Variants in SEC24A observed in about 807,000 individuals in gnomAD.
The protein encoded by SEC24A is protein transport protein Sec24A.
In SEC24A, 93 loss-of-function variants were observed where a neutral mutation model predicts 129.4. The ratio of observed to expected loss-of-function variants is 0.72; its 90% CI spans 0.61 to 0.85. The LOEUF (loss-of-function observed/expected upper bound fraction) is 0.85, where lower values mean the gene tolerates loss of function less well. Ranked by LOEUF, SEC24A falls within the 40% of genes least tolerant of loss-of-function variation. SEC24A has a pLI of 0.00. For missense variants in SEC24A, 1,264 were observed against 1,307.4 expected (o/e 0.97, Z 0.51); for synonymous variants, 460 against 467.3 (o/e 0.98, Z 0.20).
chr5:134,709,940 C>T (rs570426859), intron 18 of SEC24A, among the ~76,000 whole-genome samples: 1 of 152,266 alleles, frequency 6.6e-6, no homozygotes, highest in Non-Finnish European at 1.5e-5. Context: ...TGCTCTGTCA[C>T]CCAGGCTGGA....
Position 134,686,914 on chromosome 5 carries a change from A to C in SEC24A, c.1604+12A>C. The C allele has an allele frequency of 7.1e-7, 1 of 1,403,602 alleles. No homozygotes were observed. The highest frequency in any genetic ancestry group is 1.0e-6 in the Non-Finnish European group (1 of 1,003,590). 86.9% of individuals were successfully genotyped at this position (1,403,602 alleles called of 1,614,324 possible). A position where few individuals can be genotyped will look rare whatever the true frequency, so the allele number is the denominator to read the frequency against. On this transcript the variant is annotated intron_variant, in intron 10 of 22. Coordinates refer to ENST00000398844, the MANE Select transcript of SEC24A (RefSeq NM_021982.3). ...GACAATCTGGATTTGTAAGTTTCTC[A>C]ATTCAGCTTAAATATGAAACTAATA...
intron 11 of SEC24A, among the ~76,000 whole-genome samples, chr5:134,689,222 G>A (rs1448224809): frequency 6.6e-6 from 1 of 152,142 alleles, no homozygotes; most frequent in Non-Finnish European, 1.5e-5. Flanking sequence ...GTGCACTGCT[G>A]GTCAGAATGT....
chr5:134,660,114 C>T (rs1236061275), intron 1 of SEC24A, among the ~76,000 whole-genome samples: 6 of 150,574 alleles, frequency 4.0e-5, no homozygotes, highest in African/African-American at 1.2e-4. Context: ...GTAATCCTAG[C>T]GCTTATAGAG....
At chr5:134,698,146 C>A in intron 15 of SEC24A, 89 bp downstream of exon 15, 1 of 1,114,174 alleles carries the variant, frequency 9.0e-7, no homozygotes, top group Non-Finnish European at 1.3e-6. Flanking sequence ...TAAGATTGCC[C>A]TTCTGAGATA....
At position 134,664,792 on chromosome 5, in the gene SEC24A, C is replaced by CTTTTTTTT. The variant is rs70976552; in HGVS notation, c.566-2014_566-2007dup. ...TCAGTAATAGGCAATTTTTCTTTTT[C>CTTTTTTTT]TTTTTTTTTTTTTTTTTTTTTTTTG... On this transcript the variant is annotated intron_variant, in intron 2 of 22. Transcript: ENST00000398844. Among the ~76,000 whole-genome samples the CTTTTTTTT allele has an allele frequency of 5.3e-3, 455 of 86,160 alleles. 3 individuals carry two copies. Among genetic ancestry groups the CTTTTTTTT allele is most frequent in the African/African-American group, 7.9e-3 (193 of 24,448 alleles). The allele number at this position is 86,160 out of a possible 152,430, so 56.5% of individuals were successfully genotyped here. A position where few individuals can be genotyped will look rare whatever the true frequency, so the allele number is the denominator to read the frequency against.
intron 7 of SEC24A, 28 bp downstream of exon 7, chr5:134,676,153 T>G: frequency 6.4e-7 from 1 of 1,554,144 alleles, no homozygotes; most frequent in Middle Eastern, 1.7e-4. Flanking sequence ...TCTTTTTTTT[T>G]TTTTGAGACG....
At chr5:134,692,300 G>T (rs1366889259) in intron 11 of SEC24A, among the ~76,000 whole-genome samples, 3 of 152,090 alleles carry the variant, frequency 2.0e-5, no homozygotes, top group Non-Finnish European at 4.4e-5. Flanking sequence ...ACTTACCTCA[G>T]CCTCTCAAAG....
Position 134,666,701 on chromosome 5 carries a change from G to T in SEC24A, c.566-122G>T, listed in dbSNP as rs185456397. 4.1e-4 allele frequency: 301 copies of T among 727,318 alleles called. No homozygotes were observed. In the African/African-American group the frequency reaches 5.3e-3, roughly 13 times the overall value. The allele number at this position is 727,318 out of a possible 1,614,324, so 45.1% of individuals were successfully genotyped here. ...AATTTAGGAAGTTAACATGTTTCTGGTAACTCTTTGGTTATTATAATTTAA... is the reference window on the plus strand; with the variant it reads ...AATTTAGGAAGTTAACATGTTTCTGTTAACTCTTTGGTTATTATAATTTAA... On this transcript the variant is annotated intron_variant, in intron 2 of 22. Coordinates refer to ENST00000398844, the MANE Select transcript of SEC24A (RefSeq NM_021982.3).
At position 134,676,080 on chromosome 5, in the gene SEC24A, CA is replaced by C. The variant is rs777101766; in HGVS notation, c.1212del (p.Lys404AsnfsTer14). ...AGACGCAGGCCTTATTGAATAAAGC[CA>C]AACTTCCTTTGGGGCTGCTGCTTCA... ...PQTQALLNKAKLPLGLLLHPF... is the reference protein window; with the variant it reads ...PQTQALLNKAXLPLGLLLHPF... On this transcript the variant is annotated frameshift_variant, in exon 7 of 23. Coordinates refer to ENST00000398844, the MANE Select transcript of SEC24A (RefSeq NM_021982.3). LOFTEE classifies it high-confidence loss of function. The C allele has an allele frequency of 1.9e-6, 3 of 1,613,212 alleles. No individual in the cohort carries two copies. The highest frequency in any genetic ancestry group is 4.5e-5 in the East Asian group (2 of 44,854).
chr5:134,656,662 T>C (rs1750256536), intron 1 of SEC24A, among the ~76,000 whole-genome samples: 1 of 151,914 alleles, frequency 6.6e-6, no homozygotes, highest in South Asian at 2.1e-4. Context: ...TGTATTTTAG[T>C]AGAGACGGGG....
intron 8 of SEC24A, among the ~76,000 whole-genome samples, chr5:134,681,468 G>GTGTGTT (rs1038262833): frequency 1.2e-4 from 19 of 152,092 alleles, no homozygotes; most frequent in African/African-American, 4.6e-4. Context: ...GTGTGTGTGT[G>GTGTGTT]TGTGTGTGTG....
At chr5:134,723,787 A>G (rs1752686918) in intron 22 of SEC24A, 117 bp downstream of exon 22, 1 of 640,848 alleles carries the variant, frequency 1.6e-6, no homozygotes, top group Non-Finnish European at 2.8e-6. Flanking sequence ...AATAAATAGC[A>G]GTAAATCATA....
chr5:134,658,097 C>G (rs369466407), intron 1 of SEC24A, among the ~76,000 whole-genome samples: 1 of 152,036 alleles, frequency 6.6e-6, no homozygotes. Flanking sequence ...GGTGAAATCC[C>G]GTCTCTACTA....
chr5:134,693,265 A>T (rs2150097408), intron 12 of SEC24A: 1 of 1,434,226 alleles, frequency 7.0e-7, no homozygotes, highest in South Asian at 1.5e-5. Flanking sequence ...CTATTTGTAC[A>T]ACCTAACCTG....
chr5:134,694,219 T>G (rs1472544239), intron 13 of SEC24A, among the ~76,000 whole-genome samples: 1 of 152,100 alleles, frequency 6.6e-6, no homozygotes, highest in Non-Finnish European at 1.5e-5. Flanking sequence ...AGAACCTGAT[T>G]GACCAGTTAA....
At chr5:134,660,336 A>C (rs1750408880) in intron 1 of SEC24A, among the ~76,000 whole-genome samples, 2 of 152,132 alleles carry the variant, frequency 1.3e-5, no homozygotes, top group African/African-American at 4.8e-5. Flanking sequence ...ACTGTACTCC[A>C]GCTTGGATGA....
intron 8 of SEC24A, 22 bp downstream of exon 8, chr5:134,679,750 C>A (rs1751198803): frequency 1.1e-5 from 17 of 1,527,632 alleles, no homozygotes; most frequent in Non-Finnish European, 1.5e-5. Flanking sequence ...TTTTTTGAAA[C>A]ATTTAAACGT....
At chr5:134,666,112 C>G (rs537802017) in intron 2 of SEC24A, among the ~76,000 whole-genome samples, 1 of 151,674 alleles carries the variant, frequency 6.6e-6, no homozygotes, top group East Asian at 1.9e-4. Context: ...AAAATGAGAC[C>G]CCCGTCTCTA....
chr5:134,686,319 C>T (rs1751449982), intron 9 of SEC24A, among the ~76,000 whole-genome samples: 3 of 151,968 alleles, frequency 2.0e-5, no homozygotes, highest in Middle Eastern at 3.4e-3. Flanking sequence ...ACTGCAACCT[C>T]CATCTCTCAG....
Sources: gnomAD v4.1 joint callset for allele counts (sites outside exome capture counted in the v4.1 genomes callset) on GRCh38, gnomAD v4.1.1 for gene constraint, MANE v1.5 for transcripts, NCBI Gene and HGNC (gene_info 2026-07-23, HGNC 2026-07-21) for gene names.